FAT3: variants seen among roughly 807,000 people sequenced by gnomAD.
The protein encoded by FAT3 is FAT atypical cadherin 3, also known as protocadherin Fat 3.
A neutral mutation model predicts 310.2 loss-of-function variants in FAT3; 95 were observed. The ratio of observed to expected loss-of-function variants is 0.31; its 90% CI spans 0.26 to 0.36. The LOEUF is 0.36. Ranked by LOEUF, FAT3 falls within the 10% of genes least tolerant of loss-of-function variation. FAT3 has a pLI of 1.00. For missense variants in FAT3, 5,408 were observed against 5,715.6 expected (o/e 0.95, Z 1.74); for synonymous variants, 2,314 against 2,192.9 (o/e 1.06, Z -1.54).
chr11:92,789,345 C>T (rs564484145), intron 7 of FAT3, among the ~76,000 whole-genome samples: 2 of 152,100 alleles, frequency 1.3e-5, no homozygotes, highest in Non-Finnish European at 1.5e-5. Context: ...TGAAAATTTA[C>T]GTAACAAAAT....
In FAT3 at chr11:92,353,061, G is replaced by A; in HGVS notation, c.949G>A (p.Glu317Lys). 6.2e-7 allele frequency: 1 copy of A among 1,613,702 alleles called. No homozygotes were observed. Among genetic ancestry groups the A allele is most frequent in the Non-Finnish European group, 8.5e-7 (1 of 1,179,852 alleles). ...TTTAGATCAGTTCTTCCTGGCTAAGGAAGGAAAGTGGTTGAATGAGTACAA... is the reference window on the plus strand; with the variant it reads ...TTTAGATCAGTTCTTCCTGGCTAAGAAAGGAAAGTGGTTGAATGAGTACAA... ...DPLDQFFLAK[E>K]GKWLNEYKIK... Residue 317 changes from glutamate (E) to lysine (K), a missense_variant, in exon 2 of 28, where the codon GAA becomes AAA. Physicochemically the swap from Glu to Lys is moderately conservative, Grantham distance 56 (BLOSUM62 1). Coordinates refer to ENST00000525166, the MANE Select transcript of FAT3 (RefSeq NM_001367949.2).
chr11:92,769,009 C>T (rs1001261293), intron 6 of FAT3, among the ~76,000 whole-genome samples: 5 of 152,160 alleles, frequency 3.3e-5, no homozygotes, highest in African/African-American at 1.2e-4. Flanking sequence ...AGAGTAAAGT[C>T]GCCCCATTTC....
At chr11:92,771,048 C>T (rs189810348) in intron 6 of FAT3, among the ~76,000 whole-genome samples, 26 of 152,264 alleles carry the variant, frequency 1.7e-4, no homozygotes, top group South Asian at 1.7e-3. Flanking sequence ...TTCACAACCT[C>T]GCTTTTAACC....
intron 4 of FAT3, among the ~76,000 whole-genome samples, chr11:92,713,403 G>C (rs1011584079): frequency 2.0e-5 from 3 of 152,146 alleles, no homozygotes; most frequent in Non-Finnish European, 4.4e-5. Context: ...AACAATGACA[G>C]TTTATAACCC....
At chr11:92,229,406 C>G (rs561195709) in intron 1 of FAT3, among the ~76,000 whole-genome samples, 2 of 150,928 alleles carry the variant, frequency 1.3e-5, no homozygotes, top group South Asian at 4.2e-4. Flanking sequence ...GCTTCTCAAA[C>G]TTACTGAGTT....
chr11:92,485,494 T>C (rs1952352627), intron 2 of FAT3, among the ~76,000 whole-genome samples: 1 of 149,048 alleles, frequency 6.7e-6, no homozygotes, highest in African/African-American at 2.5e-5. Context: ...GGACTGCATA[T>C]TGATAGAATG....
chr11:92,561,617 C>CATTT (rs754392196), intron 3 of FAT3, among the ~76,000 whole-genome samples: 234 of 151,610 alleles, frequency 1.5e-3, no homozygotes, highest in African/African-American at 2.3e-3. Context: ...ATTTATTTAT[C>CATTT]ATTTATTTAT....
At chr11:92,516,567 GAA>G (rs1953491980) in intron 2 of FAT3, among the ~76,000 whole-genome samples, 1 of 152,082 alleles carries the variant, frequency 6.6e-6, no homozygotes, top group Non-Finnish European at 1.5e-5. Flanking sequence ...CATTCCCTTT[GAA>G]AACCCACACA....
chr11:92,478,944 CTTTCTTTCTTTTCTTTTCT>C (rs1483328990), intron 2 of FAT3, among the ~76,000 whole-genome samples: 3 of 74,478 alleles, frequency 4.0e-5, no homozygotes, highest in African/African-American at 1.5e-4. Context: ...CTCTTTCTTT[CTTTCTTTCTTTTCTTTTCT>C]TTTCTTTTCT....
intron 2 of FAT3, among the ~76,000 whole-genome samples, chr11:92,423,229 T>A (rs1251706571): frequency 6.6e-6 from 1 of 152,144 alleles, no homozygotes; most frequent in South Asian, 2.1e-4. Flanking sequence ...GTCAGTACTT[T>A]GCAAGCTGAG....
At chr11:92,444,328 AAGAAGAAGATC>A (rs1774736287) in intron 2 of FAT3, among the ~76,000 whole-genome samples, 1 of 34,130 alleles carries the variant, frequency 2.9e-5, no homozygotes, top group African/African-American at 1.0e-4. Context: ...CATCATTATG[AAGAAGAAGATC>A]AGAAGATCTG....
Position 92,443,765 on chromosome 11 carries a change from T to G in FAT3, c.3293-80869T>G, listed in dbSNP as rs12420877. On this transcript the variant is annotated intron_variant, in intron 2 of 27. Transcript: ENST00000525166. ...AAGTGTCATGGTGTAATGAAAATAATAAGAAGCATGAGGAGATGGTTACGA... is the reference window on the plus strand; with the variant it reads ...AAGTGTCATGGTGTAATGAAAATAAGAAGAAGCATGAGGAGATGGTTACGA... Among the ~76,000 whole-genome samples, 965 of 151,962 alleles carry G rather than the reference T, an allele frequency of 6.4e-3. 31 individuals are homozygous for G. Among genetic ancestry groups the G allele is most frequent in the Admixed American group, 0.056 (851 of 15,246 alleles).
At chr11:92,436,219 A>C (rs1950935864) in intron 2 of FAT3, among the ~76,000 whole-genome samples, 1 of 152,030 alleles carries the variant, frequency 6.6e-6, no homozygotes, top group South Asian at 2.1e-4. Context: ...GGCTCACTGC[A>C]GCCTTGACCT....
At chr11:92,885,691 G>A (rs749918873) in intron 24 of FAT3, among the ~76,000 whole-genome samples, 1 of 152,136 alleles carries the variant, frequency 6.6e-6, no homozygotes, top group East Asian at 1.9e-4. Flanking sequence ...AAAAAGGGGG[G>A]AGTTAATAAA....
chr11:92,683,948 G>A (rs1591604607), intron 3 of FAT3, among the ~76,000 whole-genome samples: 3 of 152,090 alleles, frequency 2.0e-5, no homozygotes, highest in Non-Finnish European at 1.5e-5. Flanking sequence ...GCTAAACCCG[G>A]CACGAGTTCC....
chr11:92,313,498 T>A (rs1947359711), intron 1 of FAT3, among the ~76,000 whole-genome samples: 1 of 152,226 alleles, frequency 6.6e-6, no homozygotes, highest in African/African-American at 2.4e-5. Flanking sequence ...TTTCTGCTTC[T>A]TTTTAATGTG....
chr11:92,418,007 A>C (rs1950452944), intron 2 of FAT3, among the ~76,000 whole-genome samples: 1 of 152,084 alleles, frequency 6.6e-6, no homozygotes, highest in Admixed American at 6.6e-5. Flanking sequence ...AGCAGGGATG[A>C]TTTTCAGGTG....
At chr11:92,303,154 G>C (rs988511134) in intron 1 of FAT3, among the ~76,000 whole-genome samples, 1 of 152,080 alleles carries the variant, frequency 6.6e-6, no homozygotes, top group Middle Eastern at 3.2e-3. Flanking sequence ...CAATTTTACA[G>C]TTTTAAATCT....
Position 92,809,898 on chromosome 11 carries a change from G to A in FAT3, c.9303G>A (p.Leu3101=). Residue 3101 remains leucine, a synonymous_variant, in exon 13 of 28, where the codon CTG becomes CTA. Transcript: ENST00000525166. ...LDRERIPVYS[L]MAKATDGGGR... The stretch of plus-strand genomic sequence containing the variant: ...GGGAGAGGATCCCCGTGTACAGCCT[G>A]ATGGCCAAGGCCACTGACGGGGGTG... 6.2e-7 allele frequency: 1 copy of A among 1,614,026 alleles called. No homozygotes were observed. Among genetic ancestry groups the A allele is most frequent in the South Asian group, 1.1e-5 (1 of 91,084 alleles).
Sources: allele counts gnomAD v4.1 joint callset (sites outside exome capture counted in the v4.1 genomes callset), GRCh38; gene constraint gnomAD v4.1.1; transcripts MANE v1.5; gene names NCBI Gene and HGNC (gene_info 2026-07-23, HGNC 2026-07-21).